The following KPNA3 variants were observed in gnomAD, a reference collection of about 807,000 sequenced individuals.
KPNA3 encodes the protein karyopherin subunit alpha 3.
KPNA3 carries 13 observed loss-of-function variants against 73.8 expected under a neutral mutation model. That is an observed-to-expected ratio of 0.18 (90% CI 0.11 to 0.28). KPNA3 has a LOEUF of 0.28. Among genes scored for constraint, KPNA3 ranks in the 10% least tolerant of loss-of-function variants. KPNA3 has a pLI of 1.00. For missense variants in KPNA3, 360 were observed against 618.1 expected, an observed-to-expected ratio of 0.58 and a Z score of 4.43; for synonymous variants, 186 against 206.9, an observed-to-expected ratio of 0.90 and a Z score of 0.87.
Position 49,732,411 on chromosome 13 carries a change from T to C in KPNA3, c.343A>G (p.Ile115Val). Residue 115 changes from isoleucine to valine, a missense_variant, in exon 6 of 17, where the codon ATT becomes GTT. Ile to Val is a conservative substitution (Grantham distance 29). Coordinates refer to ENST00000261667, the MANE Select transcript of KPNA3 (RefSeq NM_002267.4). ...AGACATTTGACTAGAATTGGTAAAATCCCAGATTTTATTAAGTCATCAATC... is the reference window on the plus strand; with the variant it reads ...AGACATTTGACTAGAATTGGTAAAACCCCAGATTTTATTAAGTCATCAATC... ...PPIDDLIKSG[I>V]LPILVKCLER... is the part of the protein sequence containing the mutation. The C allele has an allele frequency of 1.3e-6, 2 of 1,599,266 alleles. No homozygotes were observed. Among genetic ancestry groups the C allele is most frequent in the Non-Finnish European group, 8.5e-7 (1 of 1,169,660 alleles).
chr13:49,710,315 T>G (rs1811562158), intron 11 of KPNA3, among the ~76,000 whole-genome samples: 1 of 152,134 alleles, frequency 6.6e-6, no homozygotes, highest in African/African-American at 2.4e-5. Context: ...CACTTCCACC[T>G]AGAAAGTCAC....
intron 1 of KPNA3, among the ~76,000 whole-genome samples, chr13:49,761,754 G>A (rs1954763734): frequency 6.6e-6 from 1 of 152,014 alleles, no homozygotes; most frequent in African/African-American, 2.4e-5. Context: ...GGGAAGTGAG[G>A]AGCGCCTCTT....
In KPNA3 at chr13:49,710,898, T is replaced by C; in HGVS notation, c.896A>G (p.Lys299Arg). The change falls in exon 11 of 17, where the codon AAA becomes AGA. Residue 299 changes from lysine (K) to arginine (R), a missense_variant. Coordinates refer to ENST00000261667, the MANE Select transcript of KPNA3 (RefSeq NM_002267.4). ...LVPLLSHQEV[K>R]VQTAALRAVG... ...AAATTTAAAAATACTTACTTGAACTTTGACTTCCTGATGGCTCAGAAGGGG... is the reference window on the plus strand; with the variant it reads ...AAATTTAAAAATACTTACTTGAACTCTGACTTCCTGATGGCTCAGAAGGGG... 1 of 1,612,094 alleles carries C rather than the reference T, an allele frequency of 6.2e-7. No individual in the cohort carries two copies. Among genetic ancestry groups the C allele is most frequent in the Non-Finnish European group, 8.5e-7 (1 of 1,179,480 alleles).
intron 2 of KPNA3, among the ~76,000 whole-genome samples, chr13:49,746,022 T>A (rs1274506357): frequency 7.6e-6 from 1 of 130,782 alleles, no homozygotes; most frequent in Non-Finnish European, 1.5e-5. Context: ...GAGATCACAG[T>A]ACTGCACTCC....
chr13:49,734,790 A>T (rs1954504215), intron 2 of KPNA3, among the ~76,000 whole-genome samples: 1 of 152,062 alleles, frequency 6.6e-6, no homozygotes, highest in South Asian at 2.1e-4. Flanking sequence ...TTGTGAATTA[A>T]ATTATTCAAA....
intron 6 of KPNA3, among the ~76,000 whole-genome samples, chr13:49,730,306 G>A (rs1474613605): frequency 6.6e-6 from 1 of 152,030 alleles, no homozygotes; most frequent in Admixed American, 6.6e-5. Flanking sequence ...GCTAAGGCAG[G>A]AGGATCACCT....
At chr13:49,704,439 AAATAAATAAATAAATAAAT>A (rs1566330832) in intron 15 of KPNA3, among the ~76,000 whole-genome samples, 3 of 2,464 alleles carry the variant, frequency 1.2e-3, no homozygotes, top group African/African-American at 0.012. Context: ...AATAAAAAAT[AAATAAATAAATAAATAAAT>A]AAATAAATAA....
chr13:49,791,622 G>C (rs1412440296), intron 1 of KPNA3, among the ~76,000 whole-genome samples: 1 of 152,192 alleles, frequency 6.6e-6, no homozygotes, highest in African/African-American at 2.4e-5. Flanking sequence ...TTAGTAAAAC[G>C]TGTCAAAGAA....
chr13:49,775,234 G>C lies in KPNA3; in HGVS notation c.69+17204C>G, dbSNP rs185509286. Among the ~76,000 whole-genome samples the C allele has an allele frequency of 7.0e-4, 101 of 144,658 alleles. 1 individual carries two copies. The highest frequency in any genetic ancestry group is 2.6e-3 in the African/African-American group (99 of 38,416). 94.9% of individuals were successfully genotyped at this position (144,658 alleles called of 152,430 possible). On this transcript the variant is annotated intron_variant, in intron 1 of 16. Coordinates refer to ENST00000261667, the MANE Select transcript of KPNA3 (RefSeq NM_002267.4). ...TCTAGCTATTTTTGACAAACACTAA[G>C]CAATATACTAAAGAATTTATTACCA...
intron 15 of KPNA3, among the ~76,000 whole-genome samples, chr13:49,703,183 CTTTTTTTT>C (rs35282756): frequency 9.2e-6 from 1 of 109,196 alleles, no homozygotes; most frequent in African/African-American, 3.5e-5. Flanking sequence ...TTCTTTCTTT[CTTTTTTTT>C]TTTTTTTTTT....
chr13:49,710,840 G>T, intron 11 of KPNA3, 51 bp downstream of exon 11: 1 of 1,524,318 alleles, frequency 6.6e-7, no homozygotes. Flanking sequence ...AAGTTAACTG[G>T]TTATAGCAAA....
chr13:49,703,252 G>A (rs757825241), intron 15 of KPNA3, among the ~76,000 whole-genome samples: 4 of 138,896 alleles, frequency 2.9e-5, no homozygotes, highest in Admixed American at 8.0e-5. Context: ...GGCACGTCTC[G>A]GCTCACTGCA....
chr13:49,741,394 A>G (rs1371164741), intron 2 of KPNA3, among the ~76,000 whole-genome samples: 6 of 151,470 alleles, frequency 4.0e-5, no homozygotes, highest in African/African-American at 1.5e-4. Context: ...AATGTTGAAC[A>G]ATTTTTAGTA....
chr13:49,744,309 G>A (rs1196698683), intron 2 of KPNA3, among the ~76,000 whole-genome samples: 2 of 152,176 alleles, frequency 1.3e-5, no homozygotes, highest in Non-Finnish European at 2.9e-5. Flanking sequence ...TGGTCTAAAT[G>A]ACCCAAAGAT....
At chr13:49,763,900 CAAA>C (rs1240816084) in intron 1 of KPNA3, among the ~76,000 whole-genome samples, 1 of 152,050 alleles carries the variant, frequency 6.6e-6, no homozygotes, top group Non-Finnish European at 1.5e-5. Flanking sequence ...GACATCTCTA[CAAA>C]AAGATTTTTA....
Position 49,772,676 on chromosome 13 carries a change from G to A in KPNA3, c.69+19762C>T, listed in dbSNP as rs139881088. 2.8e-4 allele frequency among the ~76,000 whole-genome samples: 42 copies of A among 152,194 alleles called. 1 individual carries two copies. The highest frequency in any genetic ancestry group is 9.4e-4 in the African/African-American group (39 of 41,516). ...AAATTAGCAGGGCATGGTGGCGCAC[G>A]TCTGTAATCCCAGCTACTCAGGAGG... On this transcript the variant is annotated intron_variant, in intron 1 of 16. Transcript: ENST00000261667.
In KPNA3 at chr13:49,749,907, T is replaced by A. The variant is rs978050889; in HGVS notation, c.70-2914A>T. Among the ~76,000 whole-genome samples, 3 of 152,188 alleles carry A rather than the reference T, an allele frequency of 2.0e-5. No individual in the cohort carries two copies. In the East Asian group the frequency reaches 5.8e-4, roughly 29 times the overall value. On this transcript the variant is annotated intron_variant, in intron 1 of 16. Coordinates refer to ENST00000261667, the MANE Select transcript of KPNA3 (RefSeq NM_002267.4). ...TACCTCTGAGTTAGTCATGACTTAC[T>A]ATGCTCTTTGTTTAAATTACAGAAA...
intron 1 of KPNA3, among the ~76,000 whole-genome samples, chr13:49,790,955 T>C (rs1426939662): frequency 6.6e-6 from 1 of 152,260 alleles, no homozygotes; most frequent in African/African-American, 2.4e-5. Flanking sequence ...TGTCATCAAG[T>C]GGACCAATAA....
chr13:49,724,699 C>A (rs1255391618), intron 7 of KPNA3, among the ~76,000 whole-genome samples: 1 of 152,142 alleles, frequency 6.6e-6, no homozygotes, highest in Non-Finnish European at 1.5e-5. Context: ...CTGGCTCAAG[C>A]GATCCTCTCG....
Sources: gnomAD v4.1 joint callset for allele counts (sites outside exome capture counted in the v4.1 genomes callset) on GRCh38, gnomAD v4.1.1 for gene constraint, MANE v1.5 for transcripts, NCBI Gene and HGNC (gene_info 2026-07-23, HGNC 2026-07-21) for gene names.